Variants in TAF12 observed in about 807,000 individuals in gnomAD.
The protein encoded by TAF12 is transcription initiation factor TFIID subunit 12.
Under a neutral mutation model 20.8 loss-of-function variants are expected in TAF12, and 3 were observed. The observed-to-expected ratio is 0.14, with a 90% confidence interval of 0.07 to 0.37. The LOEUF is 0.37. Ranked by LOEUF, TAF12 falls within the 10% of genes least tolerant of loss-of-function variation. TAF12 has a pLI of 1.00. For missense variants in TAF12, 131 were observed against 197.9 expected (o/e 0.66, Z 2.03); for synonymous variants, 69 against 70.2 (o/e 0.98, Z 0.09).
At chr1:28,614,170 G>A (rs566272002) in intron 3 of TAF12, among the ~76,000 whole-genome samples, 60 of 152,186 alleles carry the variant, frequency 3.9e-4, no homozygotes, top group African/African-American at 1.4e-3. Context: ...CCTGGGAGGC[G>A]GAGGTTGCAG....
At chr1:28,626,555 C>T (rs1482654632) in intron 1 of TAF12, among the ~76,000 whole-genome samples, 6 of 139,880 alleles carry the variant, frequency 4.3e-5, no homozygotes, top group Admixed American at 1.5e-4. Flanking sequence ...CGCTCCAGCC[C>T]GCGCAACAAG....
chr1:28,618,119 G>T, intron 2 of TAF12, 89 bp from the exon 3 acceptor site: 1 of 1,266,396 alleles, frequency 7.9e-7, no homozygotes. Flanking sequence ...CTGTCAAATT[G>T]TTGGTTTTAG....
rs139757876 is a variant in TAF12 at position 28,618,434 on chromosome 1, G to C, written c.169-404C>G. 3.4e-3 allele frequency among the ~76,000 whole-genome samples: 510 copies of C among 152,058 alleles called. 2 individuals are homozygous for C. The highest frequency in any genetic ancestry group is 0.012 in the African/African-American group (487 of 41,466). On this transcript the variant is annotated intron_variant, in intron 2 of 5. Transcript: ENST00000373824. ...TTGCTCTATTGCCCACTGGAGTGCA[G>C]TGGCATGATCATGGCTTACTGTAGC...
Position 28,617,934 on chromosome 1 carries a change from G to A in TAF12, c.246+19C>T, listed in dbSNP as rs1667094392. The A allele has an allele frequency of 1.9e-6, 3 of 1,613,426 alleles. No homozygotes were observed. The highest frequency in any genetic ancestry group is 1.1e-5 in the South Asian group (1 of 91,028). The stretch of plus-strand genomic sequence containing the variant: ...CGGTTCTCAGGGACCAGTTTCTGGG[G>A]TACCCAACCCCACCTTACCTCCTCC... On this transcript the variant is annotated intron_variant, in intron 3 of 5. Transcript: ENST00000373824.
At chr1:28,622,361 A>G (rs893410597) in intron 1 of TAF12, among the ~76,000 whole-genome samples, 196 bp from the exon 2 acceptor site, 3 of 80,668 alleles carry the variant, frequency 3.7e-5, no homozygotes, top group East Asian at 6.3e-4. Context: ...CTCTACCAAG[A>G]AAAAAAAAAA....
intron 1 of TAF12, among the ~76,000 whole-genome samples, chr1:28,639,832 T>A (rs146060542): frequency 6.6e-6 from 1 of 152,234 alleles, no homozygotes; most frequent in African/African-American, 2.4e-5. Context: ...TTTAAGCCCT[T>A]GTTTTTCAAA....
intron 1 of TAF12, among the ~76,000 whole-genome samples, chr1:28,633,552 A>G (rs953953658): frequency 1.4e-5 from 2 of 147,242 alleles, no homozygotes; most frequent in African/African-American, 2.5e-5. Flanking sequence ...TGAGGCGGGC[A>G]GATCACTTGA....
intron 1 of TAF12, among the ~76,000 whole-genome samples, chr1:28,626,770 TGG>T (rs1375243901): frequency 1.4e-5 from 2 of 145,842 alleles, no homozygotes; most frequent in Admixed American, 6.8e-5. Context: ...ATTAGCCAGG[TGG>T]GGTGGCAGGT....
intron 1 of TAF12, among the ~76,000 whole-genome samples, chr1:28,642,121 T>C (rs1045796835): frequency 3.3e-5 from 5 of 152,178 alleles, no homozygotes; most frequent in Non-Finnish European, 5.9e-5. Flanking sequence ...CATAACTGAG[T>C]TCCAACTGTT....
intron 1 of TAF12, among the ~76,000 whole-genome samples, chr1:28,627,423 G>A (rs1246814234): frequency 6.6e-6 from 1 of 150,740 alleles, no homozygotes. Flanking sequence ...GCCGGGCGCG[G>A]TGGCTCACGC....
At chr1:28,647,539 C>T (rs1200427744), upstream of TAF12, among the ~76,000 whole-genome samples, 1 of 152,116 alleles carries the variant, frequency 6.6e-6, no homozygotes, top group Non-Finnish European at 1.5e-5. Flanking sequence ...GTTGGGATTA[C>T]AGGCATGACC....
rs775186924 is a variant in TAF12, at chr1:28,643,064, G to C, written c.-157C>G. 1 of 985,898 alleles carries C rather than the reference G, an allele frequency of 1.0e-6. No individual in the cohort carries two copies. The highest frequency in any genetic ancestry group is 1.2e-6 in the Non-Finnish European group (1 of 829,958). 61.1% of individuals were successfully genotyped at this position (985,898 alleles called of 1,614,324 possible). On this transcript the variant is annotated 5_prime_UTR_variant, in exon 1 of 6. Transcript: ENST00000373824. ...AAGCGTTCGTCTCAGCAGCCGGTCC[G>C]ACTGCGCGGCCCTCCCCGACTACTT... is the stretch of plus-strand genomic sequence containing the variant.
chr1:28,634,436 AC>A (rs1262574539), intron 1 of TAF12, among the ~76,000 whole-genome samples: 2 of 149,858 alleles, frequency 1.3e-5, no homozygotes, highest in Admixed American at 6.7e-5. Context: ...AAAAAAAAAA[AC>A]CCCACAAAAA....
chr1:28,620,101 A>C (rs1316624542), intron 2 of TAF12, among the ~76,000 whole-genome samples: 1 of 152,074 alleles, frequency 6.6e-6, no homozygotes, highest in African/African-American at 2.4e-5. Context: ...TGTGATGAAC[A>C]CATATAACTT....
chr1:28,622,165 A>T lies in TAF12; in HGVS notation c.-84T>A. The T allele has an allele frequency of 6.6e-7, 1 of 1,510,290 alleles. No homozygotes were observed. Among genetic ancestry groups the T allele is most frequent in the Non-Finnish European group, 8.8e-7 (1 of 1,135,816 alleles). 93.6% of individuals were successfully genotyped at this position (1,510,290 alleles called of 1,614,324 possible). ...GAGCTGTGAGGACCAAGGCCAATTA[A>T]CTGGAGAAGAAAAGCACAAGAATTA... On this transcript the variant is annotated splice_region_variant and 5_prime_UTR_variant, in exon 2 of 6. Transcript: ENST00000373824.
chr1:28,617,595 C>T (rs890226137), intron 3 of TAF12, among the ~76,000 whole-genome samples: 18 of 151,780 alleles, frequency 1.2e-4, no homozygotes, highest in Non-Finnish European at 2.4e-4. Context: ...TACAGGCGCC[C>T]GCCACCATGC....
Position 28,605,356 on chromosome 1 carries a change from T to G in TAF12, c.450+16A>C. On this transcript the variant is annotated intron_variant, in intron 5 of 5. Transcript: ENST00000373824. The stretch of plus-strand genomic sequence containing the variant: ...AATCAGCCCTGGCTGTCCCCAGGGC[T>G]CTGGCATTTCCTCACCTGTTTGTGA... 6.2e-7 allele frequency: 1 copy of G among 1,613,986 alleles called. No homozygotes were observed. The highest frequency in any genetic ancestry group is 8.5e-7 in the Non-Finnish European group (1 of 1,179,918).
chr1:28,645,573 G>A (rs1021581527), upstream of TAF12, among the ~76,000 whole-genome samples: 2 of 151,776 alleles, frequency 1.3e-5, no homozygotes, highest in East Asian at 2.0e-4. Context: ...GCTGGAACCC[G>A]GGAGGTGGAG....
At chr1:28,624,928 T>C (rs890146491) in intron 1 of TAF12, among the ~76,000 whole-genome samples, 3 of 152,156 alleles carry the variant, frequency 2.0e-5, no homozygotes, top group Non-Finnish European at 4.4e-5. Flanking sequence ...TTGTTTGTTT[T>C]AACCATATGT....
Sources: gnomAD v4.1 joint callset for allele counts (sites outside exome capture counted in the v4.1 genomes callset) on GRCh38, gnomAD v4.1.1 for gene constraint, MANE v1.5 for transcripts, NCBI Gene and HGNC (gene_info 2026-07-23, HGNC 2026-07-21) for gene names.